EDNRB: variants seen among roughly 807,000 people sequenced by gnomAD.
The protein encoded by EDNRB is endothelin receptor type B.
Under a neutral mutation model 46.4 loss-of-function variants are expected in EDNRB, and 18 were observed. The ratio of observed to expected loss-of-function variants is 0.39; its 90% CI spans 0.27 to 0.57. The LOEUF (loss-of-function observed/expected upper bound fraction) is 0.57. Ranked by LOEUF, EDNRB falls within the 20% of genes least tolerant of loss-of-function variation. The probability of loss-of-function intolerance (pLI) is 0.61; values close to 1 mark genes in which losing one functional copy is unlikely to be tolerated. For missense variants in EDNRB, 434 were observed against 537.5 expected (o/e 0.81, Z 1.90); for synonymous variants, 213 against 204.9 (o/e 1.04, Z -0.34).
At chr13:77,968,325 C>CA (rs1330114809) in intron 1 of EDNRB, among the ~76,000 whole-genome samples, 1 of 152,026 alleles carries the variant, frequency 6.6e-6, no homozygotes, top group Non-Finnish European at 1.5e-5. Context: ...TAAATAATAA[C>CA]AACAGTTCAC....
intron 1 of EDNRB, among the ~76,000 whole-genome samples, chr13:77,970,771 G>GT (rs79948927): frequency 0.27 from 41,259 of 151,476 alleles, 6,517 homozygotes; most frequent in East Asian, 0.54. Context: ...ATACAAACAA[G>GT]TTTTTTTTAG....
intron 1 of EDNRB, among the ~76,000 whole-genome samples, chr13:77,906,181 AC>A (rs533035246): frequency 6.6e-6 from 1 of 151,880 alleles, no homozygotes; most frequent in South Asian, 2.1e-4. Flanking sequence ...ACAGAGGTTT[AC>A]CATGTGCATG....
chr13:77,926,656 T>A (rs1487912388), intron 1 of EDNRB, among the ~76,000 whole-genome samples: 1 of 152,230 alleles, frequency 6.6e-6, no homozygotes, highest in East Asian at 1.9e-4. Flanking sequence ...TGTCTTCTTC[T>A]GAGCCCTCTA....
intron 1 of EDNRB, among the ~76,000 whole-genome samples, chr13:77,953,773 G>C (rs970278314): frequency 1.3e-5 from 2 of 152,044 alleles, no homozygotes; most frequent in Admixed American, 1.3e-4. Context: ...AGGAACCCAG[G>C]GACCATATAA....
At chr13:77,960,361 G>T (rs868174328) in intron 1 of EDNRB, among the ~76,000 whole-genome samples, 1 of 152,318 alleles carries the variant, frequency 6.6e-6, no homozygotes, top group Non-Finnish European at 1.5e-5. Flanking sequence ...CTATAAGCCA[G>T]AAGAGAGTGG....
intron 1 of EDNRB, among the ~76,000 whole-genome samples, chr13:77,904,529 C>G (rs760232562): frequency 2.0e-5 from 3 of 151,878 alleles, no homozygotes; most frequent in African/African-American, 7.2e-5. Flanking sequence ...TAAAATATAA[C>G]AGTGACTGGC....
At chr13:77,919,463 AGCTGG>A (rs767421588), upstream of EDNRB, 6 of 1,612,782 alleles carry the variant, frequency 3.7e-6, no homozygotes, top group South Asian at 4.4e-5. Context: ...GGCGGAACCC[AGCTGG>A]GTTCCAGCCT....
chr13:77,919,654 G>A, upstream of EDNRB: 3 of 1,546,458 alleles, frequency 1.9e-6, no homozygotes, highest in Non-Finnish European at 1.8e-6. Context: ...CTCCTCCCGC[G>A]CCTTCCGACC....
intron 1 of EDNRB, among the ~76,000 whole-genome samples, chr13:77,925,291 G>T (rs1880205443): frequency 6.6e-6 from 1 of 152,170 alleles, no homozygotes; most frequent in African/African-American, 2.4e-5. Flanking sequence ...TTTATCATAA[G>T]TCTGCAAATA....
At chr13:77,963,205 T>C (rs975505656) in intron 1 of EDNRB, among the ~76,000 whole-genome samples, 5 of 152,226 alleles carry the variant, frequency 3.3e-5, no homozygotes, top group Non-Finnish European at 7.3e-5. Flanking sequence ...CCAAGTAATT[T>C]ATAGAGTCAA....
At chr13:77,936,713 G>A (rs1023869929) in intron 1 of EDNRB, among the ~76,000 whole-genome samples, 19 of 152,218 alleles carry the variant, frequency 1.2e-4, no homozygotes, top group Admixed American at 1.1e-3. Context: ...GCACAGATGG[G>A]ACATGGCTTA....
intron 1 of EDNRB, among the ~76,000 whole-genome samples, chr13:77,968,929 A>G (rs1487956148): frequency 2.6e-5 from 4 of 152,186 alleles, no homozygotes; most frequent in Non-Finnish European, 5.9e-5. Flanking sequence ...GAGTAATGAG[A>G]GACTAACTTT....
intron 2 of EDNRB, 54 bp downstream of exon 2, chr13:77,903,441 T>C (rs1879107533): frequency 1.2e-6 from 2 of 1,609,990 alleles, no homozygotes; most frequent in African/African-American, 1.3e-5. Flanking sequence ...CTAAGTAACA[T>C]GGAAAACAAT....
At chr13:77,932,011 G>T (rs999441042) in intron 1 of EDNRB, among the ~76,000 whole-genome samples, 2 of 151,194 alleles carry the variant, frequency 1.3e-5, no homozygotes, top group Non-Finnish European at 2.9e-5. Flanking sequence ...TTTGAATCTG[G>T]TTTTACAACA....
intron 1 of EDNRB, among the ~76,000 whole-genome samples, chr13:77,908,778 G>C (rs1034601599): frequency 6.6e-6 from 1 of 151,882 alleles, no homozygotes; most frequent in Admixed American, 6.6e-5. Context: ...TAATCAAAAG[G>C]CTGTCTCTCT....
chr13:77,907,839 G>A (rs1024074412), intron 1 of EDNRB, among the ~76,000 whole-genome samples: 7 of 151,582 alleles, frequency 4.6e-5, no homozygotes, highest in African/African-American at 1.7e-4. Context: ...TTGGATTATT[G>A]CTCTTCATAC....
intron 1 of EDNRB, among the ~76,000 whole-genome samples, chr13:77,910,755 G>T (rs528036164): frequency 1.3e-5 from 2 of 152,050 alleles, no homozygotes; most frequent in South Asian, 2.1e-4. Context: ...CTAGAGTTGT[G>T]CAAGGCAGCG....
Position 77,953,762 on chromosome 13 carries a change from C to A in EDNRB, c.-52+21585G>T, listed in dbSNP as rs551753390. On this transcript the variant is annotated intron_variant, in intron 1 of 7. Coordinates refer to the EDNRB transcript ENST00000646948. Reference sequence around the variant, plus strand: ...AAGGGCATTAGGTAGGAGTTGATTGCAGGAACCCAGGGACCATATAATGAA... The same window carrying A: ...AAGGGCATTAGGTAGGAGTTGATTGAAGGAACCCAGGGACCATATAATGAA... Among the ~76,000 whole-genome samples, 403 of 152,156 alleles carry A rather than the reference C, an allele frequency of 2.6e-3. 4 individuals carry two copies. Among genetic ancestry groups the A allele is most frequent in the African/African-American group, 9.3e-3 (387 of 41,522 alleles).
intron 3 of EDNRB, 62 bp downstream of exon 3, chr13:77,903,094 G>A (rs530578139): frequency 6.3e-7 from 1 of 1,574,882 alleles, no homozygotes; most frequent in South Asian, 1.1e-5. Context: ...GGGAACAGGG[G>A]AAAAATAGCT....
Sources: gnomAD v4.1 joint callset for allele counts (sites outside exome capture counted in the v4.1 genomes callset) on GRCh38, gnomAD v4.1.1 for gene constraint, MANE v1.5 for transcripts, NCBI Gene and HGNC (gene_info 2026-07-23, HGNC 2026-07-21) for gene names.